UFM1: variants seen among roughly 807,000 people sequenced by gnomAD.
The protein encoded by UFM1 is ubiquitin-fold modifier 1.
UFM1 carries 9 observed loss-of-function variants against 15.4 expected under a neutral mutation model. The ratio of observed to expected loss-of-function variants is 0.59; its 90% CI spans 0.35 to 1.02. The LOEUF is 1.02. Among genes scored for constraint, UFM1 ranks in the 50% least tolerant of loss-of-function variants. The probability of loss-of-function intolerance (pLI) is 0.02; values close to 1 mark genes in which losing one functional copy is unlikely to be tolerated. For synonymous variants in UFM1, 27 were observed against 36.3 expected (o/e 0.74, Z 0.92); for missense variants, 98 against 104.7 (o/e 0.94, Z 0.28).
At chr13:38,358,193 C>A in intron 4 of UFM1, 61 bp downstream of exon 4, 6 of 1,081,902 alleles carry the variant, frequency 5.5e-6, no homozygotes, top group South Asian at 3.9e-5. Context: ...GTAAAAGGAA[C>A]CAAATTAATT....
At chr13:38,358,690 C>T (rs572144267) in intron 4 of UFM1, among the ~76,000 whole-genome samples, 1 of 152,076 alleles carries the variant, frequency 6.6e-6, no homozygotes, top group East Asian at 1.9e-4. Context: ...GTATACAATG[C>T]AGTATTGATG....
chr13:38,356,965 A>G (rs547904606), intron 3 of UFM1, among the ~76,000 whole-genome samples: 171 of 151,996 alleles, frequency 1.1e-3, no homozygotes, highest in Middle Eastern at 6.8e-3. Context: ...TAAGAGATGG[A>G]ATCTACCTTT....
Position 38,355,395 on chromosome 13 carries a change from C to T in UFM1, c.117+1099C>T, listed in dbSNP as rs1879049708. Among the ~76,000 whole-genome samples, 3 of 152,092 alleles carry T rather than the reference C, an allele frequency of 2.0e-5. No individual in the cohort carries two copies. The South Asian group carries it at 6.2e-4, about 32-fold the overall frequency. ...AAATCTGAGTATAGCATTGTCATTA[C>T]TTTTTGCTGCACAGATTACTTGCAA... is the stretch of plus-strand genomic sequence containing the variant. On this transcript the variant is annotated intron_variant, in intron 3 of 5. Coordinates refer to ENST00000239878, the MANE Select transcript of UFM1 (RefSeq NM_016617.4).
intron 5 of UFM1, 74 bp downstream of exon 5, chr13:38,359,407 C>CAG: frequency 4.0e-6 from 6 of 1,490,336 alleles, no homozygotes; most frequent in South Asian, 1.1e-5. Context: ...TTAAGCTATT[C>CAG]TAATTACACT....
intron 5 of UFM1, chr13:38,360,042 C>A (rs748783906): frequency 2.5e-6 from 1 of 402,738 alleles, no homozygotes; most frequent in South Asian, 1.9e-5. Flanking sequence ...TTTTCACAGG[C>A]CTTGCAGTTG....
chr13:38,353,172 A>G (rs775759352), intron 2 of UFM1, among the ~76,000 whole-genome samples: 91 of 152,262 alleles, frequency 6.0e-4, no homozygotes, highest in East Asian at 1.2e-3. Flanking sequence ...AACTGGTACC[A>G]TATGCTGTTC....
chr13:38,354,432 G>T, intron 3 of UFM1, 136 bp downstream of exon 3: 1 of 591,024 alleles, frequency 1.7e-6, no homozygotes, highest in Non-Finnish European at 2.7e-6. Context: ...CAAAAAGTAG[G>T]ATGATAGTTA....
intron 2 of UFM1, among the ~76,000 whole-genome samples, chr13:38,352,501 A>G (rs1028492961): frequency 6.6e-6 from 1 of 152,108 alleles, no homozygotes; most frequent in African/African-American, 2.4e-5. Flanking sequence ...TATTTTGTTT[A>G]TATATTTATT....
intron 5 of UFM1, among the ~76,000 whole-genome samples, chr13:38,360,318 T>C (rs992229542): frequency 6.6e-6 from 1 of 152,034 alleles, no homozygotes; most frequent in African/African-American, 2.4e-5. Flanking sequence ...ATCCTTGATA[T>C]GAAGAAAATC....
intron 2 of UFM1, among the ~76,000 whole-genome samples, chr13:38,352,847 G>A (rs1426246904): frequency 6.6e-6 from 1 of 152,156 alleles, no homozygotes; most frequent in African/African-American, 2.4e-5. Flanking sequence ...CGATTTAAAA[G>A]TGAATTGAAC....
intron 3 of UFM1, 26 bp from the exon 4 acceptor site, chr13:38,358,067 A>T (rs1566033255): frequency 6.8e-6 from 7 of 1,032,526 alleles, no homozygotes; most frequent in Admixed American, 3.5e-5. Context: ...GTATATATAT[A>T]TATATTTTTT....
rs1033946108 is a variant in UFM1 at position 38,360,761 on chromosome 13, C to T, written c.241C>T (p.Arg81Cys). Residue 81 changes from arginine (R) to cysteine (C), a missense_variant, in exon 6 of 6, where the codon CGT becomes TGT. Arg to Cys is a radical substitution (Grantham distance 180, BLOSUM62 -3). Coordinates refer to ENST00000239878, the MANE Select transcript of UFM1 (RefSeq NM_016617.4). ...AGAACTGCGGATTATTCCTAGAGAT[C>T]GTGTTGGAAGTTGTTAATATCTGCT... ...GSELRIIPRD[R>C]VGSC 9 of 1,607,616 alleles carry T rather than the reference C, an allele frequency of 5.6e-6. No individual in the cohort carries two copies. The African/African-American group carries it at 9.4e-5, about 17-fold the overall frequency.
chr13:38,354,494 A>G (rs1879007494), intron 3 of UFM1, 198 bp downstream of exon 3: 1 of 403,758 alleles, frequency 2.5e-6, no homozygotes, highest in African/African-American at 2.1e-5. Flanking sequence ...GACATATCTG[A>G]TTAATGCAAC....
chr13:38,358,410 T>TG (rs1036332223), intron 4 of UFM1, among the ~76,000 whole-genome samples: 1 of 150,996 alleles, frequency 6.6e-6, no homozygotes, highest in Non-Finnish European at 1.5e-5. Flanking sequence ...TTTAGCAAGT[T>TG]TTTTTTTTTA....
chr13:38,350,220 G>A (rs755770689), intron 2 of UFM1, 165 bp downstream of exon 2: 1 of 1,609,960 alleles, frequency 6.2e-7, no homozygotes, highest in Non-Finnish European at 8.5e-7. Context: ...CGGAGCCTGC[G>A]AGGAGAGGTC....
At chr13:38,358,841 TG>T (rs1879244918) in intron 4 of UFM1, among the ~76,000 whole-genome samples, 2 of 152,032 alleles carry the variant, frequency 1.3e-5, no homozygotes, top group African/African-American at 4.8e-5. Context: ...GGAAAAAAGC[TG>T]GCTTACTACC....
intron 3 of UFM1, among the ~76,000 whole-genome samples, chr13:38,355,048 G>C (rs550929695): frequency 9.9e-5 from 15 of 152,078 alleles, no homozygotes; most frequent in African/African-American, 3.6e-4. Context: ...GAAATTTTCT[G>C]TTGAAGTTAA....
rs367673764 is a variant in UFM1, at chr13:38,362,756, T to C, written c.*1978T>C. 16 of 152,280 alleles carry C rather than the reference T, an allele frequency of 1.1e-4. No individual in the cohort carries two copies. Among genetic ancestry groups the C allele is most frequent in the African/African-American group, 3.8e-4 (16 of 41,578 alleles). The allele number at this position is 152,280 out of a possible 1,614,324, so 9.4% of individuals were successfully genotyped here. On this transcript the variant is annotated 3_prime_UTR_variant, in exon 6 of 6. Transcript: ENST00000239878. ...CCTGTTTCTAGCACAAAAATTTGCC[T>C]GCTGTGTTACAAAAATAAATTTATG... is the stretch of plus-strand genomic sequence containing the variant.
chr13:38,362,725 C>A lies in UFM1; in HGVS notation c.*1947C>A, dbSNP rs1256384290. On this transcript the variant is annotated 3_prime_UTR_variant, in exon 6 of 6. Coordinates refer to ENST00000239878, the MANE Select transcript of UFM1 (RefSeq NM_016617.4). ...ACTTTTTGCTTTAATTTAGATTTTTCTCCATCCTGTTTCTAGCACAAAAAT... is the reference window on the plus strand; with the variant it reads ...ACTTTTTGCTTTAATTTAGATTTTTATCCATCCTGTTTCTAGCACAAAAAT... 3 of 152,004 alleles carry A rather than the reference C, an allele frequency of 2.0e-5. No individual in the cohort carries two copies. The highest frequency in any genetic ancestry group is 6.6e-5 in the Admixed American group (1 of 15,260). The allele number at this position is 152,004 out of a possible 1,614,324, so 9.4% of individuals were successfully genotyped here.
Sources: allele counts gnomAD v4.1 joint callset (sites outside exome capture counted in the v4.1 genomes callset), GRCh38; gene constraint gnomAD v4.1.1; transcripts MANE v1.5; gene names NCBI Gene and HGNC (gene_info 2026-07-23, HGNC 2026-07-21).